Variants in DLC1 observed in about 807,000 individuals in gnomAD.
The protein encoded by DLC1 is rho GTPase-activating protein 7.
In DLC1, 54 loss-of-function variants were observed where a neutral mutation model predicts 140.3. The ratio of observed to expected loss-of-function variants is 0.38; its 90% confidence interval spans 0.31 to 0.48. The LOEUF (loss-of-function observed/expected upper bound fraction) is 0.48, where lower values mean the gene tolerates loss of function less well. Ranked by LOEUF, DLC1 falls within the 20% of genes least tolerant of loss-of-function variation. The pLI is 0.96. For synonymous variants in DLC1, 986 were observed against 728.1 expected (o/e 1.35, Z -5.70); for missense variants, 2,536 against 1,907.0 (o/e 1.33, Z -6.14).
chr8:13,530,604 A>G (rs1334120901), intron 1 of DLC1, among the ~76,000 whole-genome samples: 1 of 152,162 alleles, frequency 6.6e-6, no homozygotes, highest in African/African-American at 2.4e-5. Context: ...GTCTTAAACC[A>G]TGAAACTCTG....
At chr8:13,255,858 A>T (rs1330305497) in intron 5 of DLC1, among the ~76,000 whole-genome samples, 4 of 152,212 alleles carry the variant, frequency 2.6e-5, no homozygotes, top group Non-Finnish European at 5.9e-5. Flanking sequence ...AATATTTGTT[A>T]AATGAAAGAA....
chr8:13,324,718 T>A (rs1037564), intron 4 of DLC1, among the ~76,000 whole-genome samples: 150,691 of 152,328 alleles, frequency 0.99, 74,553 homozygotes, highest in Middle Eastern at 1. Context: ...AATATAAAAT[T>A]TAAGTTACTT....
chr8:13,127,422 T>C (rs2128960243), intron 5 of DLC1, among the ~76,000 whole-genome samples: 1 of 152,290 alleles, frequency 6.6e-6, no homozygotes, highest in East Asian at 1.9e-4. Context: ...TTCTGGAACT[T>C]CCCATGAAAA....
At chr8:13,428,672 C>G (rs1461051662) in intron 2 of DLC1, among the ~76,000 whole-genome samples, 1 of 152,094 alleles carries the variant, frequency 6.6e-6, no homozygotes, top group Non-Finnish European at 1.5e-5. Flanking sequence ...AGGGTACACT[C>G]TTTCCATCTG....
At chr8:13,109,454 GGC>G (rs1313399633) in intron 7 of DLC1, among the ~76,000 whole-genome samples, 1 of 152,098 alleles carries the variant, frequency 6.6e-6, no homozygotes, top group African/African-American at 2.4e-5. Context: ...CTACTCCAGA[GGC>G]TGAAGTGGGA....
At chr8:13,154,438 G>A (rs1824090670) in intron 5 of DLC1, among the ~76,000 whole-genome samples, 1 of 152,234 alleles carries the variant, frequency 6.6e-6, no homozygotes, top group South Asian at 2.1e-4. Context: ...CTGCTGGCCT[G>A]CGTGCTAAGC....
intron 5 of DLC1, among the ~76,000 whole-genome samples, chr8:13,293,845 G>A (rs1164998425): frequency 1.3e-5 from 2 of 151,804 alleles, no homozygotes; most frequent in African/African-American, 4.8e-5. Context: ...GAGAGGAAAA[G>A]AACTATGTTC....
At chr8:13,289,903 C>T (rs1831692292) in intron 5 of DLC1, among the ~76,000 whole-genome samples, 2 of 152,084 alleles carry the variant, frequency 1.3e-5, no homozygotes, top group African/African-American at 2.4e-5. Context: ...CCTTGGGAGA[C>T]AGGATAATGA....
rs372504089 is a variant in DLC1, at chr8:13,499,911, C to T, written c.161G>A (p.Arg54His). 32 of 1,613,918 alleles carry T rather than the reference C, an allele frequency of 2.0e-5. No homozygotes were observed. The highest frequency in any genetic ancestry group is 3.3e-5 in the Admixed American group (2 of 59,990). Residue 54 changes from arginine (R) to histidine (H), a missense_variant, in exon 2 of 18, where the codon CGC becomes CAC. Arg to His is a conservative substitution (Grantham distance 29, BLOSUM62 0). Coordinates refer to ENST00000276297, the MANE Select transcript of DLC1 (RefSeq NM_182643.3). ...MEKDATLNVD[R>H]KEKCVSLPDC... is the part of the protein sequence containing the mutation. ...AGGTAGTGAAACACACTTCTCTTTG[C>T]GGTCCACATTTAGAGTTGCATCTTT... is the stretch of plus-strand genomic sequence containing the variant.
rs150712928 is a variant in DLC1 at position 13,101,387 on chromosome 8, A to C, written c.1567-617T>G. Among the ~76,000 whole-genome samples, 7 of 152,310 alleles carry C rather than the reference A, an allele frequency of 4.6e-5. 1 individual carries two copies. Among genetic ancestry groups the C allele is most frequent in the African/African-American group, 1.7e-4 (7 of 41,572 alleles). The stretch of plus-strand genomic sequence containing the variant: ...ATGGTGAAAATTCCAGGCATGCAAA[A>C]TATTTTGAACTGAAGTCAGCAATGA... On this transcript the variant is annotated intron_variant, in intron 8 of 17. Transcript: ENST00000276297.
intron 12 of DLC1, 105 bp downstream of exon 12, chr8:13,094,654 A>G: frequency 7.5e-7 from 1 of 1,336,602 alleles, no homozygotes; most frequent in Non-Finnish European, 1.0e-6. Flanking sequence ...TGACAGAGCG[A>G]GACTCCATCT....
At chr8:13,156,102 A>G (rs1287377285) in intron 5 of DLC1, among the ~76,000 whole-genome samples, 4 of 152,210 alleles carry the variant, frequency 2.6e-5, no homozygotes, top group Non-Finnish European at 4.4e-5. Context: ...CCATCAAACC[A>G]GCAAAGATGT....
intron 1 of DLC1, among the ~76,000 whole-genome samples, chr8:13,585,610 G>A (rs973709745): frequency 2.6e-5 from 4 of 152,142 alleles, no homozygotes; most frequent in South Asian, 2.1e-4. Flanking sequence ...CTGGAAGTCC[G>A]AAATTGAGGT....
chr8:13,336,967 GATGAA>G (rs1169951935), intron 4 of DLC1, among the ~76,000 whole-genome samples: 1 of 142,866 alleles, frequency 7.0e-6, no homozygotes, highest in Non-Finnish European at 1.6e-5. Context: ...AGCTAAAGCA[GATGAA>G]ATGAAAAATA....
At chr8:13,165,839 C>T (rs1056977789) in intron 5 of DLC1, among the ~76,000 whole-genome samples, 1 of 152,150 alleles carries the variant, frequency 6.6e-6, no homozygotes, top group Non-Finnish European at 1.5e-5. Context: ...TCAGTTTCCT[C>T]AAGCACAGAC....
chr8:13,466,390 G>A (rs968597865), intron 2 of DLC1, among the ~76,000 whole-genome samples: 1 of 152,130 alleles, frequency 6.6e-6, no homozygotes, highest in African/African-American at 2.4e-5. Context: ...TGCCTCCTCT[G>A]TGTCTCACTT....
At chr8:13,262,335 C>A (rs1830499690) in intron 5 of DLC1, among the ~76,000 whole-genome samples, 1 of 151,202 alleles carries the variant, frequency 6.6e-6, no homozygotes, top group Non-Finnish European at 1.5e-5. Flanking sequence ...ATGATAAAAG[C>A]CATTAAAATT....
intron 5 of DLC1, among the ~76,000 whole-genome samples, chr8:13,207,718 A>G (rs1397408714): frequency 6.6e-6 from 1 of 152,010 alleles, no homozygotes; most frequent in Non-Finnish European, 1.5e-5. Flanking sequence ...CAGTGTCTGG[A>G]GAGGTTTTGG....
At chr8:13,582,914 A>ATATATATATATG (rs1805164848) in intron 1 of DLC1, among the ~76,000 whole-genome samples, 14 of 123,002 alleles carry the variant, frequency 1.1e-4, no homozygotes, top group Non-Finnish European at 2.0e-4. Context: ...ATATATATAT[A>ATATATATATATG]TATATGTGGT....
Sources: allele counts gnomAD v4.1 joint callset (sites outside exome capture counted in the v4.1 genomes callset), GRCh38; gene constraint gnomAD v4.1.1; transcripts MANE v1.5; gene names NCBI Gene and HGNC (gene_info 2026-07-23, HGNC 2026-07-21).